The following MPZL1 variants were observed in gnomAD, a reference collection of about 807,000 sequenced individuals.
MPZL1 encodes the protein myelin protein zero-like protein 1.
Under a neutral mutation model 29.3 loss-of-function variants are expected in MPZL1, and 16 were observed. The ratio of observed to expected loss-of-function variants is 0.55; its 90% CI spans 0.37 to 0.83. The LOEUF (loss-of-function observed/expected upper bound fraction) is 0.83, where lower values mean the gene tolerates loss of function less well. MPZL1 is among the 40% of genes least tolerant of loss of function. The pLI, the probability that MPZL1 is intolerant of heterozygous loss-of-function variation, is 0.00. For synonymous variants in MPZL1, 143 were observed against 132.0 expected, an observed-to-expected ratio of 1.08 and a Z score of -0.57; for missense variants, 279 against 332.9, an observed-to-expected ratio of 0.84 and a Z score of 1.26.
intron 5 of MPZL1, chr1:167,787,398 G>A (rs1171883446): frequency 6.4e-6 from 1 of 155,942 alleles, no homozygotes; most frequent in African/African-American, 2.4e-5. Flanking sequence ...TTTCTTGCAT[G>A]GATTGATTAT....
intron 1 of MPZL1, among the ~76,000 whole-genome samples, chr1:167,753,630 CT>C (rs35276060): frequency 0.74 from 107,578 of 145,970 alleles, 39,743 homozygotes; most frequent in African/African-American, 0.83. Flanking sequence ...ACTTGAATTT[CT>C]TTTTTTTTTT....
chr1:167,760,559 G>A (rs764834190), intron 1 of MPZL1, among the ~76,000 whole-genome samples: 7 of 152,112 alleles, frequency 4.6e-5, no homozygotes, highest in Non-Finnish European at 1.0e-4. Context: ...TTGGAGGAAA[G>A]TTGTGCAAAA....
chr1:167,786,145 T>C (rs36095147), intron 5 of MPZL1, among the ~76,000 whole-genome samples: 102,382 of 151,666 alleles, frequency 0.68, 34,811 homozygotes, highest in Admixed American at 0.75. Context: ...AGCATTTAAC[T>C]TGTAGCTTTC....
At chr1:167,766,745 G>T (rs995403147) in intron 2 of MPZL1, among the ~76,000 whole-genome samples, 2 of 152,170 alleles carry the variant, frequency 1.3e-5, no homozygotes, top group Non-Finnish European at 2.9e-5. Flanking sequence ...GGAAGACAGG[G>T]TGGGGAGGAT....
At position 167,765,682 on chromosome 1, in the gene MPZL1, G is replaced by A; in HGVS notation, c.191G>A (p.Ser64Asn). Reference sequence around the variant, plus strand: ...CTGACCTGCAAGTTCAAGTCTACTAGTACGACTGGCGGGTTGACCTCAGTC... The same window carrying A: ...CTGACCTGCAAGTTCAAGTCTACTAATACGACTGGCGGGTTGACCTCAGTC... ...GKLTCKFKST[S>N]TTGGLTSVSW... The change falls in exon 2 of 6, where the codon AGT (serine) becomes AAT (asparagine). Residue 64 changes from serine (S) to asparagine (N), a missense_variant. By Grantham distance (46) the Ser-to-Asn change is conservative. Transcript: ENST00000359523. 1 of 1,613,536 alleles carries A rather than the reference G, an allele frequency of 6.2e-7. No homozygotes were observed. Among genetic ancestry groups the A allele is most frequent in the Non-Finnish European group, 8.5e-7 (1 of 1,179,682 alleles).
Position 167,791,474 on chromosome 1 carries a change from C to G in MPZL1, c.*3553C>G, listed in dbSNP as rs915478678. On this transcript the variant is annotated 3_prime_UTR_variant, in exon 6 of 6. Transcript: ENST00000359523. ...GTAGTTACCAAATACTTGGTGTGAGCCAGGCACTTTGCATTTCTTTCTCTA... is the reference window on the plus strand; with the variant it reads ...GTAGTTACCAAATACTTGGTGTGAGGCAGGCACTTTGCATTTCTTTCTCTA... The G allele has an allele frequency of 1.2e-4, 19 of 152,246 alleles. No homozygotes were observed. The highest frequency in any genetic ancestry group is 4.6e-4 in the African/African-American group (19 of 41,470). The allele number at this position is 152,246 out of a possible 1,614,324, so 9.4% of individuals were successfully genotyped here.
At chr1:167,750,680 A>G (rs553801460) in intron 1 of MPZL1, among the ~76,000 whole-genome samples, 1 of 152,342 alleles carries the variant, frequency 6.6e-6, no homozygotes, top group South Asian at 2.1e-4. Context: ...ATCATGTTAT[A>G]TAACCACAGT....
In MPZL1 at chr1:167,787,740, T is replaced by G. The variant is rs1352514480; in HGVS notation, c.709-80T>G. 8 of 1,048,020 alleles carry G rather than the reference T, an allele frequency of 7.6e-6. No homozygotes were observed. The Admixed American group carries it at 9.1e-5, about 12-fold the overall frequency. 64.9% of individuals were successfully genotyped at this position (1,048,020 alleles called of 1,614,324 possible). A position where few individuals can be genotyped will look rare whatever the true frequency, so the allele number is the denominator to read the frequency against. On this transcript the variant is annotated intron_variant, in intron 5 of 5. Coordinates refer to ENST00000359523, the MANE Select transcript of MPZL1 (RefSeq NM_003953.6). ...GCTTTGGAACCCTGATGTGATCACG[T>G]TAATCATTGCTTCTATGCCTGTAGC...
intron 1 of MPZL1, among the ~76,000 whole-genome samples, chr1:167,734,371 A>G (rs546335950): frequency 6.6e-6 from 1 of 152,264 alleles, no homozygotes; most frequent in African/African-American, 2.4e-5. Flanking sequence ...ACTGAGGGCC[A>G]CATTTTGGTC....
Position 167,776,115 on chromosome 1 carries a change from C to T in MPZL1, c.657C>T (p.Ser219=). 6.2e-7 allele frequency: 1 copy of T among 1,612,454 alleles called. No individual in the cohort carries two copies. The highest frequency in any genetic ancestry group is 8.5e-7 in the Non-Finnish European group (1 of 1,179,134). The change falls in exon 5 of 6, where the codon TCC becomes TCT. Residue 219 remains serine, a synonymous_variant. Transcript: ENST00000359523. ...CAGTTAAGCAGGCTCCTCGGAAGTC[C>T]CCCTCCGACACTGAGGGTCTTGTAA... The part of the protein sequence containing the change: ...LSPVKQAPRK[S]PSDTEGLVKS...
chr1:167,776,729 C>A (rs572241145), intron 5 of MPZL1, among the ~76,000 whole-genome samples: 1 of 152,304 alleles, frequency 6.6e-6, no homozygotes, highest in African/African-American at 2.4e-5. Flanking sequence ...TGGAAGTTAG[C>A]ATATAATCTA....
chr1:167,743,656 CTT>C (rs58072209), intron 1 of MPZL1, among the ~76,000 whole-genome samples: 1 of 146,880 alleles, frequency 6.8e-6, no homozygotes, highest in African/African-American at 2.5e-5. Context: ...TTTTGTTTTA[CTT>C]TTTTTGCAGC....
At chr1:167,751,467 C>T (rs1046219202) in intron 1 of MPZL1, among the ~76,000 whole-genome samples, 3 of 151,778 alleles carry the variant, frequency 2.0e-5, no homozygotes, top group Non-Finnish European at 2.9e-5. Context: ...GTCAGGAGTT[C>T]GAGACCATCC....
chr1:167,737,514 G>C (rs1353769433), intron 1 of MPZL1, among the ~76,000 whole-genome samples: 2 of 152,178 alleles, frequency 1.3e-5, no homozygotes, highest in African/African-American at 2.4e-5. Flanking sequence ...ACGCTGGGGG[G>C]CTAGTATATT....
intron 1 of MPZL1, among the ~76,000 whole-genome samples, chr1:167,764,750 A>G (rs941300786): frequency 1.3e-5 from 2 of 152,200 alleles, no homozygotes; most frequent in Non-Finnish European, 2.9e-5. Flanking sequence ...GAAGTCCTTC[A>G]GTAGGTGAAT....
chr1:167,727,335 C>G (rs1483574415), intron 1 of MPZL1, among the ~76,000 whole-genome samples: 3 of 152,166 alleles, frequency 2.0e-5, no homozygotes, highest in African/African-American at 7.2e-5. Context: ...TAACTGGAGC[C>G]TGACTGTTTT....
chr1:167,787,834 T>G lies in MPZL1; in HGVS notation c.723T>G (p.Tyr241Ter). ...CCCTTTTCCAGGGCCCAGTCATATA[T>G]GCACAGTTAGACCACTCCGGCGGAC... Reference protein sequence around the residue: ...PSGSHQGPVIYAQLDHSGGHH... With the variant: ...PSGSHQGPVI The change falls in exon 6 of 6, where the codon TAT becomes TAG. Residue 241 changes from tyrosine to a stop codon, truncating the protein, a stop_gained. Transcript: ENST00000359523. LOFTEE classifies it high-confidence loss of function. 6.2e-7 allele frequency: 1 copy of G among 1,613,318 alleles called. No individual in the cohort carries two copies. Among genetic ancestry groups the G allele is most frequent in the Non-Finnish European group, 8.5e-7 (1 of 1,179,214 alleles).
At chr1:167,747,614 C>T (rs1033732300) in intron 1 of MPZL1, among the ~76,000 whole-genome samples, 4 of 152,206 alleles carry the variant, frequency 2.6e-5, no homozygotes, top group Admixed American at 6.5e-5. Context: ...TCCTAGTCCC[C>T]TGTCCCTTTG....
chr1:167,760,667 G>C lies in MPZL1; in HGVS notation c.92-4916G>C, dbSNP rs574177970. 1.6e-4 allele frequency among the ~76,000 whole-genome samples: 24 copies of C among 152,116 alleles called. No homozygotes were observed. In the East Asian group the frequency reaches 3.9e-3, roughly 25 times the overall value. ...GGAGAAGACCATGGAAAGGAAGTTTGGGGGGTGGGAATCAGGAGTTTAATT... is the reference window on the plus strand; with the variant it reads ...GGAGAAGACCATGGAAAGGAAGTTTCGGGGGTGGGAATCAGGAGTTTAATT... On this transcript the variant is annotated intron_variant, in intron 1 of 5. Transcript: ENST00000359523.
Sources: allele counts gnomAD v4.1 joint callset (sites outside exome capture counted in the v4.1 genomes callset), GRCh38; gene constraint gnomAD v4.1.1; transcripts MANE v1.5; gene names NCBI Gene and HGNC (gene_info 2026-07-23, HGNC 2026-07-21).